CNTN5: variants seen among roughly 807,000 people sequenced by gnomAD.
The protein encoded by CNTN5 is contactin 5, also known as contactin-5.
CNTN5 carries 77 observed loss-of-function variants against 129.1 expected under a neutral mutation model. The observed-to-expected ratio is 0.60, with a 90% CI of 0.50 to 0.72. CNTN5 has a LOEUF of 0.72. CNTN5 is among the 30% of genes least tolerant of loss of function. CNTN5 has a pLI of 0.00. For missense variants in CNTN5, 1,478 were observed against 1,328.8 expected (o/e 1.11, Z -1.75); for synonymous variants, 509 against 465.6 (o/e 1.09, Z -1.20).
intron 3 of CNTN5, among the ~76,000 whole-genome samples, chr11:99,782,467 G>GA (rs1278434311): frequency 6.6e-6 from 1 of 150,914 alleles, no homozygotes; most frequent in East Asian, 2.0e-4. Context: ...CACAGAATTG[G>GA]AAAAAACTAC....
At chr11:100,198,030 A>T (rs895465667) in intron 15 of CNTN5, among the ~76,000 whole-genome samples, 1 of 151,866 alleles carries the variant, frequency 6.6e-6, no homozygotes, top group Admixed American at 6.6e-5. Context: ...AGGCCACATA[A>T]ATTGGGGTAA....
Position 100,294,101 on chromosome 11 carries a change from A to G in CNTN5, c.2315-3524A>G, listed in dbSNP as rs573137088. On this transcript the variant is annotated intron_variant, in intron 18 of 24. Coordinates refer to ENST00000524871, the MANE Select transcript of CNTN5 (RefSeq NM_014361.4). ...GATAACCATTAAGCTCCAAAATTGTATGGCCTGTCCCAGGTCTCGAAAAGA... is the reference window on the plus strand; with the variant it reads ...GATAACCATTAAGCTCCAAAATTGTGTGGCCTGTCCCAGGTCTCGAAAAGA... Among the ~76,000 whole-genome samples, 688 of 151,774 alleles carry G rather than the reference A, an allele frequency of 4.5e-3. 9 individuals are homozygous for G. Among genetic ancestry groups the G allele is most frequent in the Non-Finnish European group, 6.1e-3 (410 of 67,750 alleles).
chr11:99,855,253 T>C (rs1261186802), intron 6 of CNTN5, among the ~76,000 whole-genome samples: 1 of 152,110 alleles, frequency 6.6e-6, no homozygotes, highest in Admixed American at 6.5e-5. Flanking sequence ...AGGTGAGCTA[T>C]GATCACTCTA....
chr11:99,201,308 G>C (rs1859171594), intron 1 of CNTN5, among the ~76,000 whole-genome samples: 1 of 94,414 alleles, frequency 1.1e-5, no homozygotes, highest in South Asian at 3.9e-4. Context: ...ACAGGCGTGA[G>C]CCACTGCGCC....
intron 13 of CNTN5, among the ~76,000 whole-genome samples, chr11:100,084,394 G>A (rs949013270): frequency 5.3e-5 from 8 of 152,074 alleles, no homozygotes; most frequent in African/African-American, 1.9e-4. Flanking sequence ...TTCTGAGGCT[G>A]CTTAGAAAAA....
At chr11:99,809,971 C>A (rs1946382493) in intron 3 of CNTN5, among the ~76,000 whole-genome samples, 2 of 152,018 alleles carry the variant, frequency 1.3e-5, no homozygotes, top group South Asian at 4.1e-4. Context: ...TAGCTCCTGC[C>A]TTTGCTAATT....
At chr11:99,204,447 T>C (rs1001406953) in intron 1 of CNTN5, among the ~76,000 whole-genome samples, 3 of 152,242 alleles carry the variant, frequency 2.0e-5, no homozygotes, top group African/African-American at 7.2e-5. Context: ...CAAGTCTTCA[T>C]GTTATTGAAC....
chr11:99,146,595 C>T (rs551899717), intron 1 of CNTN5, among the ~76,000 whole-genome samples: 1 of 152,180 alleles, frequency 6.6e-6, no homozygotes, highest in South Asian at 2.1e-4. Flanking sequence ...AATCAACACC[C>T]AATCCTTGTT....
At chr11:99,568,421 G>A (rs1949074420) in intron 3 of CNTN5, among the ~76,000 whole-genome samples, 1 of 152,208 alleles carries the variant, frequency 6.6e-6, no homozygotes, top group Non-Finnish European at 1.5e-5. Context: ...TAATACTGCT[G>A]TAAAATATGC....
At chr11:99,636,348 G>A (rs1033795846) in intron 3 of CNTN5, among the ~76,000 whole-genome samples, 4 of 150,854 alleles carry the variant, frequency 2.7e-5, no homozygotes, top group African/African-American at 9.8e-5. Context: ...TGAGCATAGA[G>A]GAAAGTTGTT....
chr11:100,258,243 G>T (rs1465443111), intron 17 of CNTN5, among the ~76,000 whole-genome samples: 1 of 152,050 alleles, frequency 6.6e-6, no homozygotes, highest in Non-Finnish European at 1.5e-5. Context: ...AGAGAAAAAA[G>T]AATGAAAAGG....
chr11:99,368,804 G>A (rs950043311), intron 2 of CNTN5, among the ~76,000 whole-genome samples: 8 of 152,136 alleles, frequency 5.3e-5, no homozygotes, highest in South Asian at 4.2e-4. Context: ...TTAAACAGGC[G>A]ACGAAGAATT....
chr11:99,381,447 T>C (rs1208498625), intron 2 of CNTN5, among the ~76,000 whole-genome samples: 9 of 152,176 alleles, frequency 5.9e-5, no homozygotes. Flanking sequence ...TTTAATGCAA[T>C]TGGCATTGAA....
chr11:99,570,376 AT>A (rs1949138907), intron 3 of CNTN5, among the ~76,000 whole-genome samples: 2 of 152,176 alleles, frequency 1.3e-5, no homozygotes, highest in Non-Finnish European at 2.9e-5. Context: ...AACATGCAGC[AT>A]TTGTTTCATT....
At chr11:99,623,661 C>T (rs1490522005) in intron 3 of CNTN5, among the ~76,000 whole-genome samples, 1 of 145,194 alleles carries the variant, frequency 6.9e-6, no homozygotes, top group East Asian at 2.1e-4. Context: ...AAAAGGGAGG[C>T]ATAGTTCCAT....
At chr11:99,662,237 A>G (rs1481695032) in intron 3 of CNTN5, among the ~76,000 whole-genome samples, 5 of 152,198 alleles carry the variant, frequency 3.3e-5, no homozygotes, top group African/African-American at 4.8e-5. Flanking sequence ...AACATTGTTA[A>G]TAATGACATA....
intron 1 of CNTN5, among the ~76,000 whole-genome samples, chr11:99,050,732 T>C (rs1344216098): frequency 1.4e-5 from 2 of 147,090 alleles, no homozygotes; most frequent in Non-Finnish European, 3.0e-5. Context: ...TAGGGGCTTC[T>C]TAGAGTTTCA....
intron 6 of CNTN5, among the ~76,000 whole-genome samples, chr11:99,869,283 A>G (rs1948438445): frequency 6.6e-6 from 1 of 152,100 alleles, no homozygotes. Context: ...GGAAATTAAA[A>G]CTCCAAGAAA....
At chr11:100,352,036 G>A (rs1952427911) in intron 24 of CNTN5, among the ~76,000 whole-genome samples, 1 of 151,554 alleles carries the variant, frequency 6.6e-6, no homozygotes, top group Non-Finnish European at 1.5e-5. Context: ...TTAAGTTCAG[G>A]GGTACATGTG....
Sources: gnomAD v4.1 joint callset for allele counts (sites outside exome capture counted in the v4.1 genomes callset) on GRCh38, gnomAD v4.1.1 for gene constraint, MANE v1.5 for transcripts, NCBI Gene and HGNC (gene_info 2026-07-23, HGNC 2026-07-21) for gene names.